FAM135B: variants seen among roughly 807,000 people sequenced by gnomAD.
FAM135B encodes the protein family with sequence similarity 135 member B, also known as protein FAM135B.
In FAM135B, 43 loss-of-function variants were observed where a neutral mutation model predicts 127.7. That is an observed-to-expected ratio of 0.34 (90% CI 0.26 to 0.43). The LOEUF (loss-of-function observed/expected upper bound fraction) is 0.43, where lower values mean the gene tolerates loss of function less well. FAM135B is among the 20% of genes least tolerant of loss of function. FAM135B has a pLI of 1.00. For synonymous variants in FAM135B, 670 were observed against 665.1 expected (o/e 1.01, Z -0.11); for missense variants, 1,558 against 1,725.6 (o/e 0.90, Z 1.72).
intron 14 of FAM135B, among the ~76,000 whole-genome samples, chr8:138,146,520 A>C (rs1055397428): frequency 6.6e-6 from 1 of 152,150 alleles, no homozygotes; most frequent in Non-Finnish European, 1.5e-5. Flanking sequence ...CCAACTGGCC[A>C]ATCATGGCAC....
At chr8:138,252,090 TCCCCTGGTA>T (rs1821742633) in intron 5 of FAM135B, among the ~76,000 whole-genome samples, 1 of 152,134 alleles carries the variant, frequency 6.6e-6, no homozygotes, top group South Asian at 2.1e-4. Flanking sequence ...TGAATAATGG[TCCCCTGGTA>T]CCAGAAAGAA....
chr8:138,254,466 A>C (rs1821925913), intron 5 of FAM135B, among the ~76,000 whole-genome samples: 1 of 152,180 alleles, frequency 6.6e-6, no homozygotes, highest in Non-Finnish European at 1.5e-5. Context: ...AGGAAGTGGA[A>C]CAGAGTGATA....
Position 138,401,482 on chromosome 8 carries a change from C to T in FAM135B, c.-19-33480G>A, listed in dbSNP as rs543775339. Among the ~76,000 whole-genome samples, 11 of 152,300 alleles carry T rather than the reference C, an allele frequency of 7.2e-5. No individual in the cohort carries two copies. In the South Asian group the frequency reaches 2.1e-3, roughly 29 times the overall value. ...GCACACAGGAGGCACAGGGCACTCA[C>T]GTCGCCTTTCTTTCCCAGTCAGTGA... is the stretch of plus-strand genomic sequence containing the variant. On this transcript the variant is annotated intron_variant, in intron 1 of 19. Transcript: ENST00000395297.
At chr8:138,206,023 T>C (rs953642358) in intron 7 of FAM135B, among the ~76,000 whole-genome samples, 1 of 149,382 alleles carries the variant, frequency 6.7e-6, no homozygotes, top group Non-Finnish European at 1.5e-5. Flanking sequence ...GACTCCAGCA[T>C]CCCCTTCACA....
intron 7 of FAM135B, among the ~76,000 whole-genome samples, chr8:138,221,417 T>G (rs1819015946): frequency 6.6e-6 from 1 of 152,134 alleles, no homozygotes; most frequent in African/African-American, 2.4e-5. Flanking sequence ...CATGATCCAA[T>G]CACCTCTCAG....
intron 1 of FAM135B, among the ~76,000 whole-genome samples, chr8:138,436,051 G>C (rs909853552): frequency 2.0e-5 from 3 of 152,174 alleles, no homozygotes; most frequent in Admixed American, 6.5e-5. Flanking sequence ...TGGGTCTCAT[G>C]TTATGATAAC....
chr8:138,281,463 G>GT (rs1484138980), intron 3 of FAM135B, among the ~76,000 whole-genome samples: 1 of 14,274 alleles, frequency 7.0e-5, no homozygotes, highest in African/African-American at 1.3e-4. Flanking sequence ...CTTAGCATCA[G>GT]TTTAAAAAAA....
chr8:138,463,604 A>G (rs1837242106), intron 1 of FAM135B, among the ~76,000 whole-genome samples: 1 of 152,186 alleles, frequency 6.6e-6, no homozygotes, highest in African/African-American at 2.4e-5. Context: ...GGGTGAACGT[A>G]AAGCGCTCCA....
At chr8:138,388,728 A>C (rs1832365282) in intron 1 of FAM135B, among the ~76,000 whole-genome samples, 1 of 152,222 alleles carries the variant, frequency 6.6e-6, no homozygotes, top group African/African-American at 2.4e-5. Context: ...AGTGGTGACC[A>C]AAGATTTAAG....
intron 7 of FAM135B, among the ~76,000 whole-genome samples, chr8:138,227,651 C>T (rs1324501694): frequency 1.3e-5 from 2 of 150,420 alleles, no homozygotes; most frequent in South Asian, 2.1e-4. Flanking sequence ...ATCAAGGAAA[C>T]AGTCACATCC....
At chr8:138,446,990 C>T (rs570436146) in intron 1 of FAM135B, among the ~76,000 whole-genome samples, 6 of 152,090 alleles carry the variant, frequency 3.9e-5, no homozygotes, top group South Asian at 2.1e-4. Context: ...AAAAAGTGGG[C>T]GAAGGATATG....
intron 3 of FAM135B, among the ~76,000 whole-genome samples, chr8:138,269,440 G>T (rs911486901): frequency 5.3e-5 from 8 of 152,224 alleles, no homozygotes; most frequent in African/African-American, 1.9e-4. Flanking sequence ...CAAAGAATCA[G>T]TTCTGTGCCC....
intron 2 of FAM135B, among the ~76,000 whole-genome samples, chr8:138,353,387 T>C (rs1392942953): frequency 6.6e-6 from 1 of 152,162 alleles, no homozygotes; most frequent in Admixed American, 6.5e-5. Context: ...TTTTTGGTCC[T>C]TATACCCTTG....
chr8:138,386,926 G>A (rs926679844), intron 1 of FAM135B, among the ~76,000 whole-genome samples: 1 of 152,092 alleles, frequency 6.6e-6, no homozygotes, highest in African/African-American at 2.4e-5. Flanking sequence ...ACTACAATGA[G>A]TGCTATATGG....
At chr8:138,170,376 T>A (rs572347600) in intron 11 of FAM135B, among the ~76,000 whole-genome samples, 1 of 152,094 alleles carries the variant, frequency 6.6e-6, no homozygotes, top group Non-Finnish European at 1.5e-5. Context: ...GCAGGTGCCA[T>A]CACACCTGGC....
intron 3 of FAM135B, among the ~76,000 whole-genome samples, chr8:138,304,268 G>A (rs1351299893): frequency 2.0e-5 from 3 of 152,190 alleles, no homozygotes; most frequent in African/African-American, 4.8e-5. Context: ...GAGGATGGGG[G>A]ATGATGGGAT....
chr8:138,266,670 A>G (rs1011426784), intron 3 of FAM135B, among the ~76,000 whole-genome samples: 2 of 149,564 alleles, frequency 1.3e-5, no homozygotes, highest in Admixed American at 6.7e-5. Context: ...TTATTCTAAA[A>G]TAAATAGCAC....
chr8:138,142,285 C>CTTTTT (rs1166235927), intron 16 of FAM135B, among the ~76,000 whole-genome samples: 1 of 99,934 alleles, frequency 1.0e-5, no homozygotes, highest in Non-Finnish European at 2.0e-5. Context: ...CATTCTGCTT[C>CTTTTT]TTCTTTTTTT....
At chr8:138,272,013 T>TA (rs1431194085) in intron 3 of FAM135B, among the ~76,000 whole-genome samples, 57 of 151,982 alleles carry the variant, frequency 3.8e-4, no homozygotes, top group African/African-American at 1.4e-3. Flanking sequence ...TTTTTTTTTT[T>TA]AATTTTACTC....
Sources: gnomAD v4.1 joint callset for allele counts (sites outside exome capture counted in the v4.1 genomes callset) on GRCh38, gnomAD v4.1.1 for gene constraint, MANE v1.5 for transcripts, NCBI Gene and HGNC (gene_info 2026-07-23, HGNC 2026-07-21) for gene names.